The following SPRED2 variants were observed in gnomAD, a reference collection of about 807,000 sequenced individuals.
The protein encoded by SPRED2 is sprouty-related, EVH1 domain-containing protein 2.
A neutral mutation model predicts 43.0 loss-of-function variants in SPRED2; 47 were observed. That is an observed-to-expected ratio of 1.09 (90% CI 0.87 to 1.40). The LOEUF is 1.40. Among genes scored for constraint, SPRED2 ranks in the 40% most tolerant of loss-of-function variants. The pLI, the probability that SPRED2 is intolerant of heterozygous loss-of-function variation, is 0.00. For synonymous variants in SPRED2, 225 were observed against 225.7 expected, an observed-to-expected ratio of 1.00 and a Z score of 0.03; for missense variants, 561 against 586.4, an observed-to-expected ratio of 0.96 and a Z score of 0.45.
In SPRED2 at chr2:65,311,933, A is replaced by G. The variant is rs998655806; in HGVS notation, c.*1568T>C. ...GTGTGCAATAAAGAAGGAGTGGGGA[A>G]AGGGAGTGGGGAGCAGGCCATGTCT... On this transcript the variant is annotated 3_prime_UTR_variant, in exon 6 of 6. Coordinates refer to ENST00000356388, the MANE Select transcript of SPRED2 (RefSeq NM_181784.3). 2 of 985,214 alleles carry G rather than the reference A, an allele frequency of 2.0e-6. No individual in the cohort carries two copies. The highest frequency in any genetic ancestry group is 3.5e-5 in the African/African-American group (2 of 57,190). 61.0% of individuals were successfully genotyped at this position (985,214 alleles called of 1,614,324 possible). A position where few individuals can be genotyped will look rare whatever the true frequency, so the allele number is the denominator to read the frequency against.
chr2:65,310,395 C>G (rs991630941), downstream of SPRED2, among the ~76,000 whole-genome samples: 1 of 151,704 alleles, frequency 6.6e-6, no homozygotes, highest in African/African-American at 2.4e-5. Flanking sequence ...GAGAGCTGCT[C>G]GGAGGAGACC....
chr2:65,419,577 T>TTGTGTGTGTG (rs10541896), intron 1 of SPRED2, among the ~76,000 whole-genome samples: 14 of 148,996 alleles, frequency 9.4e-5, no homozygotes, highest in Non-Finnish European at 5.9e-5. Flanking sequence ...GGGATTATAG[T>TTGTGTGTGTG]TGTGTGTGTG....
intron 1 of SPRED2, among the ~76,000 whole-genome samples, chr2:65,370,109 A>G (rs1032144128): frequency 3.9e-5 from 6 of 152,376 alleles, no homozygotes; most frequent in African/African-American, 1.4e-4. Flanking sequence ...GGTATAAAGC[A>G]TGAGTTTGGA....
chr2:65,415,055 G>A (rs1676242460), intron 1 of SPRED2, among the ~76,000 whole-genome samples: 1 of 152,070 alleles, frequency 6.6e-6, no homozygotes, highest in Admixed American at 6.6e-5. Flanking sequence ...CCAAACTATT[G>A]GGATTACAGG....
chr2:65,311,270 C>A lies in SPRED2; in HGVS notation c.*2231G>T. The stretch of plus-strand genomic sequence containing the variant: ...AGTGTGGCAATTAGAGACGTATTTA[C>A]ATAAATGTCCCCATGGCTGTCTTTG... On this transcript the variant is annotated 3_prime_UTR_variant, in exon 6 of 6. Coordinates refer to ENST00000356388, the MANE Select transcript of SPRED2 (RefSeq NM_181784.3). The A allele has an allele frequency of 7.1e-6, 7 of 985,858 alleles. No individual in the cohort carries two copies. The highest frequency in any genetic ancestry group is 8.4e-6 in the Non-Finnish European group (7 of 829,946). The allele number at this position is 985,858 out of a possible 1,614,324, so 61.1% of individuals were successfully genotyped here.
rs1258501428 is a variant in SPRED2, at chr2:65,344,997, T to G, written c.27-101A>C. The G allele has an allele frequency of 1.2e-5, 15 of 1,216,548 alleles. No homozygotes were observed. The African/African-American group carries it at 2.1e-4, about 17-fold the overall frequency. 75.4% of individuals were successfully genotyped at this position (1,216,548 alleles called of 1,614,324 possible). A position where few individuals can be genotyped will look rare whatever the true frequency, so the allele number is the denominator to read the frequency against. On this transcript the variant is annotated intron_variant, in intron 1 of 5. Transcript: ENST00000356388. ...TGACCACCAGCCAGCACTTTTTTTG[T>G]TTTATCGAAAGAAATCTATGCTTGG...
chr2:65,366,774 CG>C, intron 1 of SPRED2: 3 of 1,363,736 alleles, frequency 2.2e-6, no homozygotes, highest in Non-Finnish European at 9.5e-7. Flanking sequence ...TGCATTGTAC[CG>C]GATGAGTCAT....
At chr2:65,326,364 T>C (rs1032453220) in intron 4 of SPRED2, among the ~76,000 whole-genome samples, 7 of 152,280 alleles carry the variant, frequency 4.6e-5, no homozygotes, top group Non-Finnish European at 7.3e-5. Flanking sequence ...CCTTTCTCCT[T>C]TGGCAAACAG....
intron 1 of SPRED2, among the ~76,000 whole-genome samples, chr2:65,419,832 T>C (rs7565437): frequency 0.33 from 50,393 of 152,046 alleles, 8,963 homozygotes; most frequent in Middle Eastern, 0.5. Context: ...CACTGGCTAG[T>C]AGCATCAGTT....
At chr2:65,365,237 T>C (rs1170152868) in intron 1 of SPRED2, among the ~76,000 whole-genome samples, 2 of 152,242 alleles carry the variant, frequency 1.3e-5, no homozygotes, top group African/African-American at 4.8e-5. Flanking sequence ...GCATAACAGG[T>C]GGCTTTCATT....
intron 1 of SPRED2, chr2:65,377,757 C>G (rs1675278687): frequency 2.1e-6 from 1 of 467,970 alleles, no homozygotes. Context: ...CTGGGCAACT[C>G]CCTAGGTAAC....
chr2:65,380,313 C>T (rs1209125444), intron 1 of SPRED2, among the ~76,000 whole-genome samples: 1 of 152,166 alleles, frequency 6.6e-6, no homozygotes, highest in Non-Finnish European at 1.5e-5. Context: ...TCTCTCTAGA[C>T]TCAACCTTAT....
chr2:65,368,646 G>C (rs1178302794), intron 1 of SPRED2, among the ~76,000 whole-genome samples: 1 of 152,160 alleles, frequency 6.6e-6, no homozygotes, highest in Non-Finnish European at 1.5e-5. Context: ...TAGTAAAATG[G>C]TAACAAATGG....
intron 1 of SPRED2, among the ~76,000 whole-genome samples, chr2:65,410,742 G>C (rs1676138126): frequency 7.1e-6 from 1 of 141,562 alleles, no homozygotes; most frequent in Non-Finnish European, 1.5e-5. Flanking sequence ...CTGGGTGACA[G>C]AGCGAGACTC....
rs1008183834 is a variant in SPRED2, at chr2:65,334,873, A to G, written c.205-100T>C. On this transcript the variant is annotated intron_variant, in intron 2 of 5. Coordinates refer to ENST00000356388, the MANE Select transcript of SPRED2 (RefSeq NM_181784.3). ...GGAACCATCACTGGTGGCAACTACC[A>G]AAACCCCTCTAACCCCTGCCTTCAC... 8.1e-6 allele frequency: 10 copies of G among 1,232,452 alleles called. No individual in the cohort carries two copies. The African/African-American group carries it at 1.3e-4, about 16-fold the overall frequency. 76.3% of individuals were successfully genotyped at this position (1,232,452 alleles called of 1,614,324 possible). A position where few individuals can be genotyped will look rare whatever the true frequency, so the allele number is the denominator to read the frequency against.
chr2:65,399,584 T>A (rs1415039425), intron 1 of SPRED2, among the ~76,000 whole-genome samples: 1 of 151,974 alleles, frequency 6.6e-6, no homozygotes, highest in Non-Finnish European at 1.5e-5. Flanking sequence ...GGTTTCACCA[T>A]GTTGGCGAGG....
At chr2:65,346,703 C>T (rs928092579) in intron 1 of SPRED2, among the ~76,000 whole-genome samples, 6 of 152,212 alleles carry the variant, frequency 3.9e-5, no homozygotes, top group African/African-American at 1.4e-4. Context: ...CTGCACCCTG[C>T]TGGGCCTAGA....
At chr2:65,331,242 C>T (rs997340782) in intron 4 of SPRED2, among the ~76,000 whole-genome samples, 2 of 152,042 alleles carry the variant, frequency 1.3e-5, no homozygotes, top group African/African-American at 4.8e-5. Context: ...ACAGCGAAAC[C>T]CCATCTTTGA....
chr2:65,356,918 C>T (rs1349621376), intron 1 of SPRED2, among the ~76,000 whole-genome samples: 2 of 152,046 alleles, frequency 1.3e-5, no homozygotes, highest in African/African-American at 2.4e-5. Context: ...CGCTTGAACC[C>T]GAGAAGCGGA....
Sources: gnomAD v4.1 joint callset for allele counts (sites outside exome capture counted in the v4.1 genomes callset) on GRCh38, gnomAD v4.1.1 for gene constraint, MANE v1.5 for transcripts, NCBI Gene and HGNC (gene_info 2026-07-23, HGNC 2026-07-21) for gene names.